The following LHFPL6 variants were observed in gnomAD, a reference collection of about 807,000 sequenced individuals.
The protein encoded by LHFPL6 is LHFPL tetraspan subfamily member 6.
Under a neutral mutation model 20.6 loss-of-function variants are expected in LHFPL6, and 9 were observed. That is an observed-to-expected ratio of 0.44 (90% CI 0.26 to 0.76). The LOEUF (loss-of-function observed/expected upper bound fraction) is 0.76, where lower values mean the gene tolerates loss of function less well. Among genes scored for constraint, LHFPL6 ranks in the 30% least tolerant of loss-of-function variants. LHFPL6 has a pLI of 0.20. For synonymous variants in LHFPL6, 105 were observed against 98.7 expected (o/e 1.06, Z -0.38); for missense variants, 218 against 253.5 (o/e 0.86, Z 0.95).
intron 2 of LHFPL6, among the ~76,000 whole-genome samples, chr13:39,427,211 G>A (rs1416028868): frequency 2.0e-5 from 3 of 152,084 alleles, no homozygotes; most frequent in Non-Finnish European, 4.4e-5. Context: ...TTTCCTATAC[G>A]GACGAACATG....
At chr13:39,509,845 AGC>A (rs1869626737) in intron 2 of LHFPL6, among the ~76,000 whole-genome samples, 4 of 151,952 alleles carry the variant, frequency 2.6e-5, no homozygotes, top group African/African-American at 9.7e-5. Flanking sequence ...CTGTAGTCCC[AGC>A]TACTTGGGAG....
chr13:39,585,474 T>C (rs1872421728), intron 2 of LHFPL6, among the ~76,000 whole-genome samples: 1 of 152,230 alleles, frequency 6.6e-6, no homozygotes, highest in East Asian at 1.9e-4. Context: ...AGCTAGTTTA[T>C]TTGCTTTACT....
chr13:39,414,594 T>C (rs984944674), intron 2 of LHFPL6, among the ~76,000 whole-genome samples: 1 of 88,660 alleles, frequency 1.1e-5, no homozygotes, highest in Non-Finnish European at 2.2e-5. Context: ...CTGTTTTCAC[T>C]TCTTCTTCTT....
chr13:39,455,859 CAAAT>C (rs939292769), intron 2 of LHFPL6, among the ~76,000 whole-genome samples: 3 of 152,018 alleles, frequency 2.0e-5, no homozygotes, highest in African/African-American at 4.8e-5. Flanking sequence ...ACATAAGAAA[CAAAT>C]AAAAAAATCA....
At chr13:39,368,366 G>T (rs1200470925) in intron 3 of LHFPL6, among the ~76,000 whole-genome samples, 1 of 151,470 alleles carries the variant, frequency 6.6e-6, no homozygotes, top group Non-Finnish European at 1.5e-5. Context: ...GGCAGATAAC[G>T]AGGTCAAGAG....
chr13:39,573,131 G>A (rs1871987878), intron 2 of LHFPL6, among the ~76,000 whole-genome samples: 1 of 152,046 alleles, frequency 6.6e-6, no homozygotes, highest in Admixed American at 6.6e-5. Flanking sequence ...GTATGGTATA[G>A]GACTCCAGAT....
At chr13:39,399,260 T>G (rs570659972) in intron 2 of LHFPL6, among the ~76,000 whole-genome samples, 212 of 152,360 alleles carry the variant, frequency 1.4e-3, no homozygotes, top group African/African-American at 4.8e-3. Context: ...ACAGCTATCT[T>G]GTTGAGAAAA....
intron 3 of LHFPL6, among the ~76,000 whole-genome samples, chr13:39,361,643 C>T (rs894112729): frequency 6.6e-6 from 1 of 152,118 alleles, no homozygotes; most frequent in Non-Finnish European, 1.5e-5. Context: ...TTTAAATGTG[C>T]TTTTCATTTG....
intron 2 of LHFPL6, among the ~76,000 whole-genome samples, chr13:39,535,167 G>A (rs147589114): frequency 1.1e-4 from 17 of 152,254 alleles, no homozygotes; most frequent in African/African-American, 4.1e-4. Context: ...ATCATATATT[G>A]GAGAAGGGCC....
At chr13:39,474,660 T>C (rs950479910) in intron 2 of LHFPL6, among the ~76,000 whole-genome samples, 2 of 152,198 alleles carry the variant, frequency 1.3e-5, no homozygotes, top group Admixed American at 1.3e-4. Context: ...AATGAACAAA[T>C]TATAAACATT....
chr13:39,423,709 A>G (rs756495591), intron 2 of LHFPL6, among the ~76,000 whole-genome samples: 1 of 152,222 alleles, frequency 6.6e-6, no homozygotes, highest in Non-Finnish European at 1.5e-5. Context: ...ACCTGAAAGA[A>G]TTTCAATGTA....
intron 2 of LHFPL6, among the ~76,000 whole-genome samples, chr13:39,417,764 C>T (rs1035400583): frequency 4.6e-5 from 7 of 152,164 alleles, no homozygotes; most frequent in Non-Finnish European, 1.0e-4. Context: ...GGGGCAGGGG[C>T]GACTTTGTGG....
At chr13:39,488,741 A>G (rs755778406) in intron 2 of LHFPL6, among the ~76,000 whole-genome samples, 7 of 152,332 alleles carry the variant, frequency 4.6e-5, no homozygotes, top group East Asian at 1.9e-4. Flanking sequence ...GAAGCAAAGT[A>G]CATCGCTCTT....
At chr13:39,498,864 T>G (rs186745252) in intron 2 of LHFPL6, among the ~76,000 whole-genome samples, 1 of 151,408 alleles carries the variant, frequency 6.6e-6, no homozygotes, top group East Asian at 2.0e-4. Context: ...CAAACTTCTT[T>G]TTCTTTTCTT....
Position 39,386,256 on chromosome 13 carries a change from C to T in LHFPL6, c.386-7730G>A, listed in dbSNP as rs190819779. On this transcript the variant is annotated intron_variant, in intron 2 of 3. Coordinates refer to ENST00000379589, the MANE Select transcript of LHFPL6 (RefSeq NM_005780.3). Reference sequence around the variant, plus strand: ...TCATCCCTAGATAATGGCCCCTTTACAAAATGTAAGAACAAGAAATGTAAC... The same window carrying T: ...TCATCCCTAGATAATGGCCCCTTTATAAAATGTAAGAACAAGAAATGTAAC... Among the ~76,000 whole-genome samples, 347 of 152,146 alleles carry T rather than the reference C, an allele frequency of 2.3e-3. 5 individuals are homozygous for T. The highest frequency in any genetic ancestry group is 7.6e-4 in the Non-Finnish European group (52 of 68,006).
At chr13:39,499,915 G>A (rs1869236175) in intron 2 of LHFPL6, among the ~76,000 whole-genome samples, 1 of 152,172 alleles carries the variant, frequency 6.6e-6, no homozygotes, top group Non-Finnish European at 1.5e-5. Context: ...CACACACATT[G>A]TTGACATGAC....
chr13:39,348,199 T>C (rs1184213645), intron 3 of LHFPL6, among the ~76,000 whole-genome samples: 8 of 152,204 alleles, frequency 5.3e-5, no homozygotes, highest in South Asian at 2.1e-4. Context: ...GCCGATGCTG[T>C]AGATTCTCCA....
chr13:39,416,464 GA>G (rs1173512402), intron 2 of LHFPL6, among the ~76,000 whole-genome samples: 1 of 151,956 alleles, frequency 6.6e-6, no homozygotes, highest in East Asian at 1.9e-4. Flanking sequence ...GCCACACAAT[GA>G]TACTTTTGAT....
At chr13:39,553,945 C>G (rs989586204) in intron 2 of LHFPL6, among the ~76,000 whole-genome samples, 2 of 152,204 alleles carry the variant, frequency 1.3e-5, no homozygotes, top group African/African-American at 4.8e-5. Flanking sequence ...ATGAACCACC[C>G]CACCAACCCA....
Sources: allele counts gnomAD v4.1 joint callset (sites outside exome capture counted in the v4.1 genomes callset), GRCh38; gene constraint gnomAD v4.1.1; transcripts MANE v1.5; gene names NCBI Gene and HGNC (gene_info 2026-07-23, HGNC 2026-07-21).